MPHOSPH9: variants seen among roughly 807,000 people sequenced by gnomAD.
MPHOSPH9 encodes M-phase phosphoprotein 9.
In MPHOSPH9, 88 loss-of-function variants were observed where a neutral mutation model predicts 145.5. The ratio of observed to expected loss-of-function variants is 0.60; its 90% CI spans 0.51 to 0.72. MPHOSPH9 has a LOEUF of 0.72. Ranked by LOEUF, MPHOSPH9 falls within the 30% of genes least tolerant of loss-of-function variation. The probability of loss-of-function intolerance (pLI) is 0.00; values close to 1 mark genes in which losing one functional copy is unlikely to be tolerated. For synonymous variants in MPHOSPH9, 435 were observed against 486.2 expected, an observed-to-expected ratio of 0.89 and a Z score of 1.39; for missense variants, 1,238 against 1,386.6, an observed-to-expected ratio of 0.89 and a Z score of 1.70.
upstream of MPHOSPH9, among the ~76,000 whole-genome samples, chr12:123,236,087 A>G (rs1377642717): frequency 6.6e-6 from 1 of 152,068 alleles, no homozygotes; most frequent in Non-Finnish European, 1.5e-5. Context: ...ATAAAAACTT[A>G]AAACAGAAAA....
At chr12:123,227,439 C>T in intron 3 of MPHOSPH9, 24 bp downstream of exon 3, 3 of 1,420,756 alleles carry the variant, frequency 2.1e-6, no homozygotes, top group Non-Finnish European at 2.8e-6. Context: ...TTTAAAATTC[C>T]AAAAATAAAA....
intron 16 of MPHOSPH9, among the ~76,000 whole-genome samples, chr12:123,168,163 C>G (rs892973899): frequency 2.0e-5 from 3 of 152,102 alleles, no homozygotes; most frequent in Non-Finnish European, 2.9e-5. Context: ...CTTTCTCTCT[C>G]ACCTTTCACC....
At chr12:123,185,781 T>C (rs1353234504) in intron 13 of MPHOSPH9, among the ~76,000 whole-genome samples, 3 of 152,118 alleles carry the variant, frequency 2.0e-5, no homozygotes, top group Admixed American at 1.3e-4. Context: ...TGTGTGATCC[T>C]TGATTGGATT....
chr12:123,218,472 T>C lies in MPHOSPH9; in HGVS notation c.900A>G (p.Lys300=). The C allele has an allele frequency of 6.2e-7, 1 of 1,613,982 alleles. No homozygotes were observed. The highest frequency in any genetic ancestry group is 2.2e-5 in the East Asian group (1 of 44,872). ...CTCTCTTTGGTTGGTTCTGCTTCAG[T>C]TTTTGTGCCCATGATGTTATAGCAT... The part of the protein sequence containing the change: ...NSNAITSWAQ[K]LKQNQPKRAH... The change falls in exon 6 of 24, where the codon AAA becomes AAG. Residue 300 remains lysine, a synonymous_variant. Coordinates refer to ENST00000606320, the MANE Select transcript of MPHOSPH9 (RefSeq NM_022782.4).
At chr12:123,217,372 A>G (rs2138545277) in intron 6 of MPHOSPH9, among the ~76,000 whole-genome samples, 1 of 151,892 alleles carries the variant, frequency 6.6e-6, no homozygotes, top group East Asian at 2.0e-4. Flanking sequence ...TAAGTTTTGT[A>G]TTTTTAGTTA....
At chr12:123,169,088 GTTA>G (rs1302070900) in intron 16 of MPHOSPH9, among the ~76,000 whole-genome samples, 15 of 151,190 alleles carry the variant, frequency 9.9e-5, no homozygotes, top group East Asian at 8.0e-4. Flanking sequence ...GTTTCACCAT[GTTA>G]TTAGCCAGGA....
In MPHOSPH9 at chr12:123,196,719, T is replaced by C. The variant is rs564735860; in HGVS notation, c.2025+1528A>G. ...GCACATAAAATCTTGTAGACAAACA[T>C]TCATAGCAATATAATTTAAATAGCC... On this transcript the variant is annotated intron_variant, in intron 12 of 23. Transcript: ENST00000606320. 3.3e-5 allele frequency among the ~76,000 whole-genome samples: 5 copies of C among 152,290 alleles called. No homozygotes were observed. The East Asian group carries it at 7.7e-4, about 23-fold the overall frequency.
At chr12:123,194,761 C>T (rs2045870764) in intron 12 of MPHOSPH9, among the ~76,000 whole-genome samples, 160 bp from the exon 13 acceptor site, 1 of 151,548 alleles carries the variant, frequency 6.6e-6, no homozygotes, top group Admixed American at 6.6e-5. Flanking sequence ...GCTGCGATTA[C>T]AGGCGCCCAC....
At chr12:123,199,997 G>GA (rs1565941446) in intron 11 of MPHOSPH9, among the ~76,000 whole-genome samples, 1 of 151,636 alleles carries the variant, frequency 6.6e-6, no homozygotes, top group Non-Finnish European at 1.5e-5. Context: ...GACTATTCTT[G>GA]AAAAAAAATC....
rs766820989 is a variant in MPHOSPH9 at position 123,221,545 on chromosome 12, C to A, written c.699G>T (p.Ala233=). ...CATCTACAAGTGACTCAGCCGGCAC[C>A]GCAGGTGCTACATACTGTCCTTTGG... The part of the protein sequence containing the change: ...DVPKGQYVAP[A]VPAESLVDGV... The change falls in exon 5 of 24, where the codon GCG becomes GCT. Residue 233 remains alanine (A), a synonymous_variant. Transcript: ENST00000606320. The A allele has an allele frequency of 6.2e-7, 1 of 1,614,156 alleles. No homozygotes were observed. Among genetic ancestry groups the A allele is most frequent in the Non-Finnish European group, 8.5e-7 (1 of 1,180,024 alleles).
intron 5 of MPHOSPH9, among the ~76,000 whole-genome samples, chr12:123,219,943 G>A (rs2047127526): frequency 1.3e-5 from 2 of 152,132 alleles, no homozygotes; most frequent in South Asian, 4.1e-4. Flanking sequence ...AGCACTTCGG[G>A]AGGCCAAGGT....
rs555708236 is a variant in MPHOSPH9, at chr12:123,170,228, C to T, written c.2457-3439G>A. Among the ~76,000 whole-genome samples, 9 of 151,902 alleles carry T rather than the reference C, an allele frequency of 5.9e-5. No homozygotes were observed. In the East Asian group the frequency reaches 1.2e-3, roughly 20 times the overall value. Reference sequence around the variant, plus strand: ...CTCGATGTCGGCTCACTGCAACCTCCGCCTCTCAGGTTCAAACCATTCTCC... The same window carrying T: ...CTCGATGTCGGCTCACTGCAACCTCTGCCTCTCAGGTTCAAACCATTCTCC... On this transcript the variant is annotated intron_variant, in intron 16 of 23. Transcript: ENST00000606320.
chr12:123,203,171 G>C, intron 9 of MPHOSPH9, 79 bp downstream of exon 9: 1 of 1,591,404 alleles, frequency 6.3e-7, no homozygotes, highest in Non-Finnish European at 8.5e-7. Context: ...AGATCTCCTA[G>C]GGAAAATGAA....
At chr12:123,239,911 A>G (rs575601278) in intron 1 of MPHOSPH9, among the ~76,000 whole-genome samples, 3 of 152,108 alleles carry the variant, frequency 2.0e-5, no homozygotes, top group Admixed American at 1.3e-4. Flanking sequence ...ACACCTTCTC[A>G]GCCTTCACCA....
chr12:123,202,980 G>A lies in MPHOSPH9; in HGVS notation c.1425C>T (p.Ser475=). ...TACTAGGCTCTAGAACAGAGTCCGG[G>A]GAAAAGGATATTCTGTCATCAAGGG... ...PNALDDRISF[S]PDSVLEPSMS... is the part of the protein sequence containing the mutation. The change falls in exon 10 of 24, where the codon TCC becomes TCT. Residue 475 remains serine, a synonymous_variant. Transcript: ENST00000606320. The A allele has an allele frequency of 6.2e-7, 1 of 1,614,154 alleles. No individual in the cohort carries two copies.
intron 6 of MPHOSPH9, 129 bp downstream of exon 6, chr12:123,218,247 A>C: frequency 8.2e-7 from 1 of 1,225,704 alleles, no homozygotes; most frequent in Non-Finnish European, 1.1e-6. Flanking sequence ...AAACAACAAC[A>C]AAAAAAATGT....
At chr12:123,226,844 C>T (rs2047456771) in intron 3 of MPHOSPH9, among the ~76,000 whole-genome samples, 2 of 152,048 alleles carry the variant, frequency 1.3e-5, no homozygotes, top group Admixed American at 1.3e-4. Flanking sequence ...GCTATCTTGC[C>T]CAGGCTAGTC....
At chr12:123,162,903 CAG>C in intron 20 of MPHOSPH9, 109 bp downstream of exon 20, 2 of 1,033,766 alleles carry the variant, frequency 1.9e-6, no homozygotes, top group African/African-American at 3.4e-5. Context: ...ATGAAATTCA[CAG>C]AGTTCCCACT....
intron 10 of MPHOSPH9, 134 bp from the exon 11 acceptor site, chr12:123,202,453 A>G: frequency 2.5e-6 from 3 of 1,183,474 alleles, no homozygotes; most frequent in Non-Finnish European, 3.5e-6. Flanking sequence ...CAAAATATAT[A>G]GATTAATACA....
Sources: gnomAD v4.1 joint callset for allele counts (sites outside exome capture counted in the v4.1 genomes callset) on GRCh38, gnomAD v4.1.1 for gene constraint, MANE v1.5 for transcripts, NCBI Gene and HGNC (gene_info 2026-07-23, HGNC 2026-07-21) for gene names.